Variants in FGF14 observed in about 807,000 individuals in gnomAD.
FGF14 encodes the protein fibroblast growth factor 14, also known as fibroblast growth factor homologous factor 4.
In FGF14, 5 loss-of-function variants were observed where a neutral mutation model predicts 25.5. The ratio of observed to expected loss-of-function variants is 0.20; its 90% CI spans 0.10 to 0.41. FGF14 has a LOEUF of 0.41. Among genes scored for constraint, FGF14 ranks in the 10% least tolerant of loss-of-function variants. The pLI, the probability that FGF14 is intolerant of heterozygous loss-of-function variation, is 1.00. For synonymous variants in FGF14, 138 were observed against 118.3 expected (o/e 1.17, Z -1.08); for missense variants, 222 against 320.1 (o/e 0.69, Z 2.34).
intron 1 of FGF14, among the ~76,000 whole-genome samples, chr13:102,007,506 A>C (rs2039867923): frequency 2.0e-5 from 3 of 152,224 alleles, no homozygotes; most frequent in Admixed American, 2.0e-4. Context: ...CTAGACTCCT[A>C]GTTAGTGAGC....
intron 3 of FGF14, among the ~76,000 whole-genome samples, chr13:101,853,708 G>A (rs967159099): frequency 2.6e-5 from 4 of 151,782 alleles, no homozygotes; most frequent in Admixed American, 6.6e-5. Context: ...CTCCTGCCTC[G>A]GCCTCCCAAA....
chr13:101,892,284 T>C (rs2138901536), intron 1 of FGF14, among the ~76,000 whole-genome samples: 1 of 152,292 alleles, frequency 6.6e-6, no homozygotes, highest in African/African-American at 2.4e-5. Flanking sequence ...AAGATTTCCA[T>C]GTAGGTTCCC....
At chr13:102,392,174 AAAAG>A (rs887498833) in intron 1 of FGF14, among the ~76,000 whole-genome samples, 5 of 152,238 alleles carry the variant, frequency 3.3e-5, no homozygotes, top group Admixed American at 6.5e-5. Context: ...CAGGAGGAAA[AAAAG>A]GCATTTTAAC....
chr13:101,968,704 A>AT (rs986973767), intron 1 of FGF14, among the ~76,000 whole-genome samples: 6 of 151,012 alleles, frequency 4.0e-5, no homozygotes, highest in African/African-American at 1.5e-4. Context: ...CAATATCAAT[A>AT]TTTCCTGTAT....
chr13:102,360,012 G>A (rs980989438), intron 1 of FGF14, among the ~76,000 whole-genome samples: 3 of 136,712 alleles, frequency 2.2e-5, no homozygotes, highest in Admixed American at 7.3e-5. Context: ...CAAAAAACAC[G>A]ATGATGTCTT....
chr13:101,993,098 A>G (rs1364280290), intron 1 of FGF14, among the ~76,000 whole-genome samples: 3 of 151,896 alleles, frequency 2.0e-5, no homozygotes, highest in Admixed American at 6.6e-5. Flanking sequence ...AAAACCTTAC[A>G]TATACAGAAA....
At chr13:102,227,545 T>C (rs533067485) in intron 1 of FGF14, among the ~76,000 whole-genome samples, 275 of 152,284 alleles carry the variant, frequency 1.8e-3, no homozygotes, top group African/African-American at 6.1e-3. Flanking sequence ...TAGGTATTCA[T>C]GTTTCGCAAA....
intron 1 of FGF14, among the ~76,000 whole-genome samples, chr13:102,069,876 G>A (rs1158087138): frequency 6.6e-6 from 1 of 152,222 alleles, no homozygotes; most frequent in Non-Finnish European, 1.5e-5. Context: ...GGGAGGCTGA[G>A]GTGGGTGGAT....
At chr13:101,854,150 C>T (rs1238167703) in intron 3 of FGF14, among the ~76,000 whole-genome samples, 1 of 152,056 alleles carries the variant, frequency 6.6e-6, no homozygotes, top group South Asian at 2.1e-4. Flanking sequence ...GGTACTCAAA[C>T]TGTGTGCGTA....
intron 3 of FGF14, among the ~76,000 whole-genome samples, chr13:101,746,753 GCAGT>G (rs1168238857): frequency 1.3e-5 from 2 of 151,980 alleles, no homozygotes. Flanking sequence ...TACATGTTAA[GCAGT>G]CAGTGTTGTC....
Position 101,780,336 on chromosome 13 carries a change from C to A in FGF14, c.409-53526G>T, listed in dbSNP as rs530788897. Reference sequence around the variant, plus strand: ...TGAAGGTAGTTGTGGTTCACAGGATCTCAGCAGCCAGAAATACTGCTGCTG... The same window carrying A: ...TGAAGGTAGTTGTGGTTCACAGGATATCAGCAGCCAGAAATACTGCTGCTG... On this transcript the variant is annotated intron_variant, in intron 3 of 4. Coordinates refer to ENST00000376143, the MANE Select transcript of FGF14 (RefSeq NM_004115.4). Among the ~76,000 whole-genome samples the A allele has an allele frequency of 6.6e-5, 10 of 152,276 alleles. No homozygotes were observed. In the East Asian group the frequency reaches 9.7e-4, roughly 15 times the overall value.
Position 101,901,193 on chromosome 13 carries a change from C to T in FGF14, c.193+15260G>A, listed in dbSNP as rs1594658551. Among the ~76,000 whole-genome samples, 3 of 150,950 alleles carry T rather than the reference C, an allele frequency of 2.0e-5. No homozygotes were observed. In the South Asian group the frequency reaches 6.3e-4, roughly 32 times the overall value. ...TGAAACAAGAAAATATAAAGAAAGT[C>T]TTTCTGAAAAAAAAAATATGGTGGA... On this transcript the variant is annotated intron_variant, in intron 1 of 4. Transcript: ENST00000376143.
chr13:102,023,178 AT>A (rs1162031616), intron 1 of FGF14, among the ~76,000 whole-genome samples: 3 of 151,996 alleles, frequency 2.0e-5, no homozygotes, highest in Non-Finnish European at 4.4e-5. Context: ...TTTAACCCTA[AT>A]ATCAGCTGTT....
chr13:101,937,224 G>A (rs1292637012), intron 1 of FGF14, among the ~76,000 whole-genome samples: 1 of 152,178 alleles, frequency 6.6e-6, no homozygotes, highest in Non-Finnish European at 1.5e-5. Context: ...ATAATTCCCA[G>A]TAATCTGTGG....
chr13:102,142,859 TTCAA>T (rs1263677551), intron 1 of FGF14, among the ~76,000 whole-genome samples: 9 of 152,344 alleles, frequency 5.9e-5, no homozygotes, highest in Admixed American at 3.3e-4. Flanking sequence ...TAGATGTTCA[TTCAA>T]TCACTCAGCT....
At chr13:102,118,309 AAG>A (rs1289105473) in intron 1 of FGF14, among the ~76,000 whole-genome samples, 7 of 151,964 alleles carry the variant, frequency 4.6e-5, no homozygotes, top group African/African-American at 1.2e-4. Context: ...TAATGTTAAA[AAG>A]AGAGAGAAAA....
intron 3 of FGF14, among the ~76,000 whole-genome samples, chr13:101,866,121 T>C (rs765504013): frequency 7.2e-5 from 11 of 152,036 alleles, no homozygotes; most frequent in Non-Finnish European, 1.5e-4. Flanking sequence ...AAACTTTTTC[T>C]TGACAAATTT....
chr13:102,319,902 T>C (rs1175778371), intron 1 of FGF14, among the ~76,000 whole-genome samples: 1 of 152,192 alleles, frequency 6.6e-6, no homozygotes, highest in Non-Finnish European at 1.5e-5. Flanking sequence ...TATATGCACA[T>C]GCATACTGAT....
intron 1 of FGF14, chr13:102,263,127 G>T: frequency 1.6e-6 from 1 of 619,524 alleles, no homozygotes; most frequent in South Asian, 1.4e-5. Flanking sequence ...ATCCACTGGG[G>T]AATGGGATGA....
Sources: gnomAD v4.1 joint callset for allele counts (sites outside exome capture counted in the v4.1 genomes callset) on GRCh38, gnomAD v4.1.1 for gene constraint, MANE v1.5 for transcripts, NCBI Gene and HGNC (gene_info 2026-07-23, HGNC 2026-07-21) for gene names.